NKAIN3: variants seen among roughly 807,000 people sequenced by gnomAD.
NKAIN3 encodes the protein sodium/potassium transporting ATPase interacting 3, also known as sodium/potassium-transporting ATPase subunit beta-1-interacting protein 3.
In NKAIN3, 25 loss-of-function variants were observed where a neutral mutation model predicts 30.2. That is an observed-to-expected ratio of 0.83 (90% CI 0.60 to 1.16). The LOEUF (loss-of-function observed/expected upper bound fraction) is 1.16, where lower values mean the gene tolerates loss of function less well. NKAIN3 is among the 50% of genes most tolerant of loss of function. The pLI is 0.00. For synonymous variants in NKAIN3, 91 were observed against 89.6 expected (o/e 1.02, Z -0.09); for missense variants, 225 against 254.1 (o/e 0.89, Z 0.78).
At chr8:62,450,505 T>G (rs1805608663) in intron 1 of NKAIN3, among the ~76,000 whole-genome samples, 1 of 152,206 alleles carries the variant, frequency 6.6e-6, no homozygotes, top group Non-Finnish European at 1.5e-5. Context: ...ATAATTGCTA[T>G]GTGCCAGGCA....
At chr8:62,632,998 C>A (rs1812014344) in intron 3 of NKAIN3, among the ~76,000 whole-genome samples, 2 of 152,078 alleles carry the variant, frequency 1.3e-5, no homozygotes, top group African/African-American at 2.4e-5. Flanking sequence ...GCTGCAGAGG[C>A]ACAGCAGGGT....
At chr8:62,778,792 G>T (rs1817265801) in intron 4 of NKAIN3, among the ~76,000 whole-genome samples, 1 of 151,794 alleles carries the variant, frequency 6.6e-6, no homozygotes, top group Non-Finnish European at 1.5e-5. Flanking sequence ...CCTCCTCATA[G>T]CTACCATAGC....
At chr8:62,732,272 A>T (rs1308953079) in intron 3 of NKAIN3, among the ~76,000 whole-genome samples, 1 of 152,038 alleles carries the variant, frequency 6.6e-6, no homozygotes, top group Non-Finnish European at 1.5e-5. Context: ...CATAGAGTTG[A>T]TCGTATTAAA....
chr8:62,889,366 A>T (rs1367632755), intron 4 of NKAIN3, among the ~76,000 whole-genome samples: 3 of 152,058 alleles, frequency 2.0e-5, no homozygotes. Flanking sequence ...GTGAAACTCC[A>T]TCTCGAAAAA....
At chr8:62,265,259 A>G (rs1812568486) in intron 1 of NKAIN3, among the ~76,000 whole-genome samples, 1 of 152,206 alleles carries the variant, frequency 6.6e-6, no homozygotes, top group African/African-American at 2.4e-5. Context: ...AAGCCATGAA[A>G]GTGACTATTC....
intron 5 of NKAIN3, among the ~76,000 whole-genome samples, chr8:62,996,390 C>A (rs895038599): frequency 6.6e-6 from 1 of 151,894 alleles, no homozygotes; most frequent in Admixed American, 6.5e-5. Context: ...CCAATCACCT[C>A]CCATCGGGTC....
intron 5 of NKAIN3, among the ~76,000 whole-genome samples, chr8:62,938,093 C>G (rs986643397): frequency 6.6e-6 from 1 of 152,098 alleles, no homozygotes; most frequent in Non-Finnish European, 1.5e-5. Flanking sequence ...AACCCTGCCA[C>G]CACCTAATGG....
intron 4 of NKAIN3, among the ~76,000 whole-genome samples, chr8:62,841,988 G>A (rs2130760921): frequency 6.6e-6 from 1 of 151,984 alleles, no homozygotes; most frequent in East Asian, 1.9e-4. Flanking sequence ...CATCTTTTTG[G>A]TAAAAGCCAT....
chr8:62,564,814 G>A (rs1185882204), intron 1 of NKAIN3, among the ~76,000 whole-genome samples: 2 of 152,194 alleles, frequency 1.3e-5, no homozygotes, highest in East Asian at 3.9e-4. Context: ...ACACACACAC[G>A]GAGAAAATCT....
chr8:62,345,052 T>A (rs559282670), intron 1 of NKAIN3, among the ~76,000 whole-genome samples: 2 of 151,978 alleles, frequency 1.3e-5, no homozygotes, highest in Admixed American at 6.6e-5. Context: ...TTGTTTTATT[T>A]TATTTTTTGG....
chr8:62,598,869 T>C (rs1439974015), intron 3 of NKAIN3, among the ~76,000 whole-genome samples: 2 of 152,020 alleles, frequency 1.3e-5, no homozygotes, highest in Non-Finnish European at 2.9e-5. Context: ...GATCCAGCTG[T>C]TGTCCACCTG....
At chr8:62,870,860 A>C (rs1465557286) in intron 4 of NKAIN3, among the ~76,000 whole-genome samples, 1 of 129,694 alleles carries the variant, frequency 7.7e-6, no homozygotes, top group East Asian at 2.0e-4. Context: ...ATTAGAGATG[A>C]GAAAGAATGG....
chr8:62,852,653 G>C (rs183000304), intron 4 of NKAIN3, among the ~76,000 whole-genome samples: 1 of 152,110 alleles, frequency 6.6e-6, no homozygotes, highest in Admixed American at 6.5e-5. Flanking sequence ...GGTATGTTGT[G>C]TCTTTGTTCT....
rs1024595981 is a variant in NKAIN3, at chr8:62,691,938, A to C, written c.274-54994A>C. 2.4e-4 allele frequency among the ~76,000 whole-genome samples: 36 copies of C among 152,218 alleles called. 1 individual carries two copies. The highest frequency in any genetic ancestry group is 2.4e-3 in the Admixed American group (36 of 15,286). On this transcript the variant is annotated intron_variant, in intron 3 of 6. Transcript: ENST00000623646. ...CTCTCTTTAAATTATTCATGTGTCC[A>C]TGGCCAGCTTCAGGTTAGGCAGGCA... is the stretch of plus-strand genomic sequence containing the variant.
At chr8:62,662,649 C>A (rs1215534097) in intron 3 of NKAIN3, among the ~76,000 whole-genome samples, 3 of 152,098 alleles carry the variant, frequency 2.0e-5, no homozygotes, top group Non-Finnish European at 4.4e-5. Context: ...AAAGCTTCTA[C>A]CTTTATAGCA....
chr8:62,271,794 T>C (rs952854987), intron 1 of NKAIN3, among the ~76,000 whole-genome samples: 5 of 152,176 alleles, frequency 3.3e-5, no homozygotes, highest in African/African-American at 1.2e-4. Flanking sequence ...CAAAGAACAT[T>C]CTAGAATGCT....
At chr8:62,799,463 A>G (rs544459772) in intron 4 of NKAIN3, among the ~76,000 whole-genome samples, 4 of 152,366 alleles carry the variant, frequency 2.6e-5, no homozygotes, top group South Asian at 4.1e-4. Context: ...ATCACTAATT[A>G]TCAGGGAAAT....
At chr8:62,386,253 A>G (rs916067798) in intron 1 of NKAIN3, among the ~76,000 whole-genome samples, 2 of 152,204 alleles carry the variant, frequency 1.3e-5, no homozygotes, top group Non-Finnish European at 2.9e-5. Flanking sequence ...ACTCTCTTCA[A>G]ATCTCAGTTG....
At chr8:62,249,656 G>A (rs527737948) in intron 1 of NKAIN3, among the ~76,000 whole-genome samples, 1 of 152,330 alleles carries the variant, frequency 6.6e-6, no homozygotes, top group South Asian at 2.1e-4. Context: ...TGATGGTTAA[G>A]GAGTCTGGGA....
Sources: allele counts gnomAD v4.1 joint callset (sites outside exome capture counted in the v4.1 genomes callset), GRCh38; gene constraint gnomAD v4.1.1; transcripts MANE v1.5; gene names NCBI Gene and HGNC (gene_info 2026-07-23, HGNC 2026-07-21).